CNTNAP2: variants seen among roughly 807,000 people sequenced by gnomAD.
CNTNAP2 encodes contactin associated protein 2.
A neutral mutation model predicts 155.2 loss-of-function variants in CNTNAP2; 98 were observed. That is an observed-to-expected ratio of 0.63 (90% CI 0.54 to 0.75). The LOEUF is 0.75. Among genes scored for constraint, CNTNAP2 ranks in the 30% least tolerant of loss-of-function variants. CNTNAP2 has a pLI of 0.00. For missense variants in CNTNAP2, 1,727 were observed against 1,688.1 expected, an observed-to-expected ratio of 1.02 and a Z score of -0.40; for synonymous variants, 651 against 631.2, an observed-to-expected ratio of 1.03 and a Z score of -0.47.
At chr7:146,772,147 C>A (rs1009623339) in intron 1 of CNTNAP2, among the ~76,000 whole-genome samples, 1 of 151,800 alleles carries the variant, frequency 6.6e-6, no homozygotes, top group Non-Finnish European at 1.5e-5. Context: ...GAGAGAAAGA[C>A]AACAAAACAA....
chr7:147,169,057 A>G (rs1333754078), intron 8 of CNTNAP2, among the ~76,000 whole-genome samples: 2 of 152,164 alleles, frequency 1.3e-5, no homozygotes, highest in Non-Finnish European at 2.9e-5. Flanking sequence ...CTAAATATAT[A>G]ATACTCATGA....
intron 9 of CNTNAP2, among the ~76,000 whole-genome samples, chr7:147,389,474 T>C (rs1168276491): frequency 6.6e-6 from 1 of 152,242 alleles, no homozygotes; most frequent in Non-Finnish European, 1.5e-5. Context: ...CATTTTAATG[T>C]CAAAACAAAT....
intron 1 of CNTNAP2, among the ~76,000 whole-genome samples, chr7:146,620,802 C>A (rs1799304689): frequency 1.3e-5 from 2 of 152,040 alleles, no homozygotes; most frequent in Non-Finnish European, 2.9e-5. Context: ...TGTGTGCTCA[C>A]CCCCTCCAAG....
In CNTNAP2 at chr7:146,792,801, G is replaced by T. The variant is rs148990263; in HGVS notation, c.208+18420G>T. Among the ~76,000 whole-genome samples, 953 of 152,260 alleles carry T rather than the reference G, an allele frequency of 6.3e-3. 11 individuals carry two copies. Among genetic ancestry groups the T allele is most frequent in the African/African-American group, 0.022 (915 of 41,568 alleles). ...GGTGGCATCTGAGTATTAATCAAAAGAAAATAGATACTTGTCTTACTCGAT... is the reference window on the plus strand; with the variant it reads ...GGTGGCATCTGAGTATTAATCAAAATAAAATAGATACTTGTCTTACTCGAT... On this transcript the variant is annotated intron_variant, in intron 2 of 23. Coordinates refer to ENST00000361727, the MANE Select transcript of CNTNAP2 (RefSeq NM_014141.6).
At chr7:147,570,219 T>C (rs1001612120) in intron 12 of CNTNAP2, among the ~76,000 whole-genome samples, 1 of 152,176 alleles carries the variant, frequency 6.6e-6, no homozygotes. Context: ...TGACACCCCA[T>C]CATATTTGAT....
At chr7:148,364,253 G>A (rs1798686919) in intron 21 of CNTNAP2, among the ~76,000 whole-genome samples, 2 of 152,238 alleles carry the variant, frequency 1.3e-5, no homozygotes, top group Admixed American at 6.5e-5. Flanking sequence ...GGATCCACTA[G>A]GTGAAGCCAG....
intron 8 of CNTNAP2, among the ~76,000 whole-genome samples, chr7:147,250,147 A>T (rs1352921021): frequency 2.0e-5 from 3 of 152,116 alleles, no homozygotes; most frequent in African/African-American, 7.2e-5. Flanking sequence ...TCCCCATGTG[A>T]TGTTAACATC....
At chr7:147,072,964 T>A (rs1196249600) in intron 4 of CNTNAP2, among the ~76,000 whole-genome samples, 2 of 149,334 alleles carry the variant, frequency 1.3e-5, no homozygotes, top group Admixed American at 1.3e-4. Context: ...ACCATTCTCC[T>A]GCCTCAGCCT....
At chr7:146,669,874 G>A (rs1800270581) in intron 1 of CNTNAP2, among the ~76,000 whole-genome samples, 2 of 151,832 alleles carry the variant, frequency 1.3e-5, no homozygotes, top group Admixed American at 1.3e-4. Flanking sequence ...GTTTTTTCAT[G>A]TTCTTTATCT....
At chr7:147,545,777 A>C (rs1799718201) in intron 11 of CNTNAP2, among the ~76,000 whole-genome samples, 1 of 152,136 alleles carries the variant, frequency 6.6e-6, no homozygotes, top group African/African-American at 2.4e-5. Context: ...ATATGATTTG[A>C]CTGTGTCCCC....
rs537509867 is a variant in CNTNAP2 at position 148,255,653 on chromosome 7, G to C, written c.3382-11380G>C. 6.6e-5 allele frequency among the ~76,000 whole-genome samples: 10 copies of C among 152,274 alleles called. No homozygotes were observed. The South Asian group carries it at 1.9e-3, about 28-fold the overall frequency. ...TGATTTCAATTACTCTAGACCTTAA[G>C]AGGCAGATATATTTTACTGATTACA... is the stretch of plus-strand genomic sequence containing the variant. On this transcript the variant is annotated intron_variant, in intron 20 of 23. Coordinates refer to ENST00000361727, the MANE Select transcript of CNTNAP2 (RefSeq NM_014141.6).
chr7:148,263,736 C>CAAAA (rs112362809), intron 20 of CNTNAP2, among the ~76,000 whole-genome samples: 2 of 108,220 alleles, frequency 1.8e-5, no homozygotes, highest in African/African-American at 6.2e-5. Context: ...GACTCAGTCC[C>CAAAA]AAAAAAAAAA....
intron 4 of CNTNAP2, among the ~76,000 whole-genome samples, chr7:147,051,202 A>G (rs1425930092): frequency 6.8e-6 from 1 of 147,788 alleles, no homozygotes; most frequent in Non-Finnish European, 1.5e-5. Context: ...ATATATATAT[A>G]TAAATCATTA....
intron 1 of CNTNAP2, among the ~76,000 whole-genome samples, chr7:146,160,129 G>A (rs978724370): frequency 2.0e-5 from 3 of 152,148 alleles, no homozygotes; most frequent in Admixed American, 6.6e-5. Context: ...AAATAAAGAT[G>A]TTATTTGAAA....
rs562191731 is a variant in CNTNAP2, at chr7:147,208,238, A to G, written c.1348+75729A>G. On this transcript the variant is annotated intron_variant, in intron 8 of 23. Coordinates refer to ENST00000361727, the MANE Select transcript of CNTNAP2 (RefSeq NM_014141.6). ...TTTTCCAGGTCTCTCTCTCCTTACT[A>G]ATATTACTCAGCCACTCTGTCTTCT... 3.3e-5 allele frequency among the ~76,000 whole-genome samples: 5 copies of G among 152,132 alleles called. No individual in the cohort carries two copies. The East Asian group carries it at 9.7e-4, about 29-fold the overall frequency.
chr7:146,642,136 TTTTTTATTTTTTA>T (rs1367559077), intron 1 of CNTNAP2, among the ~76,000 whole-genome samples: 14 of 151,796 alleles, frequency 9.2e-5, no homozygotes, highest in Non-Finnish European at 1.9e-4. Flanking sequence ...GGTTTTTTAT[TTTTTTATTTTTTA>T]TTTTTATTTT....
intron 1 of CNTNAP2, among the ~76,000 whole-genome samples, chr7:146,256,611 A>C (rs926576108): frequency 6.6e-6 from 1 of 152,010 alleles, no homozygotes; most frequent in African/African-American, 2.4e-5. Context: ...ACTATATGTT[A>C]GTATCAATAA....
chr7:146,426,181 G>A (rs1427686696), intron 1 of CNTNAP2, among the ~76,000 whole-genome samples: 4 of 43,638 alleles, frequency 9.2e-5, no homozygotes, highest in African/African-American at 4.0e-4. Flanking sequence ...GTGAGACTTC[G>A]CCTCAAAAAA....
At chr7:147,251,680 A>T (rs902039819) in intron 8 of CNTNAP2, among the ~76,000 whole-genome samples, 1 of 152,226 alleles carries the variant, frequency 6.6e-6, no homozygotes, top group Non-Finnish European at 1.5e-5. Flanking sequence ...TGCACTGCTC[A>T]TGATACCTTC....
Sources: gnomAD v4.1 joint callset for allele counts (sites outside exome capture counted in the v4.1 genomes callset) on GRCh38, gnomAD v4.1.1 for gene constraint, MANE v1.5 for transcripts, NCBI Gene and HGNC (gene_info 2026-07-23, HGNC 2026-07-21) for gene names.